Variants in CTBP2 observed in about 807,000 individuals in gnomAD.
The protein encoded by CTBP2 is C-terminal-binding protein 2.
In CTBP2, 30 loss-of-function variants were observed where a neutral mutation model predicts 80.3. The observed-to-expected ratio is 0.37, with a 90% CI of 0.28 to 0.51. CTBP2 has a LOEUF of 0.51. CTBP2 is among the 20% of genes least tolerant of loss of function. The probability of loss-of-function intolerance (pLI) is 0.93; values close to 1 mark genes in which losing one functional copy is unlikely to be tolerated. For missense variants in CTBP2, 1,212 were observed against 1,375.3 expected (o/e 0.88, Z 1.88); for synonymous variants, 594 against 587.4 (o/e 1.01, Z -0.16).
At chr10:125,071,160 C>T (rs1427976402) in intron 2 of CTBP2, among the ~76,000 whole-genome samples, 1 of 152,148 alleles carries the variant, frequency 6.6e-6, no homozygotes, top group Non-Finnish European at 1.5e-5. Flanking sequence ...GCCCCACTCA[C>T]CCATGCAACC....
chr10:125,024,584 C>T (rs1564733256), intron 1 of CTBP2, among the ~76,000 whole-genome samples: 1 of 152,224 alleles, frequency 6.6e-6, no homozygotes, highest in Non-Finnish European at 1.5e-5. Flanking sequence ...AACCTTTCCA[C>T]GACTTGGGTG....
chr10:125,051,329 GT>G (rs1962698089), intron 2 of CTBP2, among the ~76,000 whole-genome samples: 2 of 152,128 alleles, frequency 1.3e-5, no homozygotes, highest in African/African-American at 4.8e-5. Context: ...TGTCAATTAA[GT>G]CCCCAAAGCA....
chr10:124,989,093 G>C lies in CTBP2; in HGVS notation c.*425C>G, dbSNP rs1402345540. 1 of 222,918 alleles carries C rather than the reference G, an allele frequency of 4.5e-6. No homozygotes were observed. The highest frequency in any genetic ancestry group is 9.0e-6 in the Non-Finnish European group (1 of 111,180). 13.8% of individuals were successfully genotyped at this position (222,918 alleles called of 1,614,324 possible). On this transcript the variant is annotated 3_prime_UTR_variant, in exon 9 of 9. Coordinates refer to ENST00000309035, the MANE Select transcript of CTBP2 (RefSeq NM_022802.3). Reference sequence around the variant, plus strand: ...TCCTATTAGCAAAAAGAGGTCACCAGCCCCTGTAGACTTAAGGGACTCAAG... The same window carrying C: ...TCCTATTAGCAAAAAGAGGTCACCACCCCCTGTAGACTTAAGGGACTCAAG...
At chr10:125,093,185 C>T (rs1849043907) in intron 2 of CTBP2, among the ~76,000 whole-genome samples, 1 of 152,322 alleles carries the variant, frequency 6.6e-6, no homozygotes, top group Non-Finnish European at 1.5e-5. Flanking sequence ...CATCTTTAAC[C>T]TCTAATGCTG....
At chr10:125,044,446 A>AAC (rs2135085950) in intron 2 of CTBP2, among the ~76,000 whole-genome samples, 1 of 118,614 alleles carries the variant, frequency 8.4e-6, no homozygotes, top group African/African-American at 3.3e-5. Flanking sequence ...ATCCGGAGTT[A>AAC]ACAGCCACAT....
At chr10:124,992,630 C>T (rs1383861725) in intron 8 of CTBP2, 65 bp downstream of exon 10, 11 of 1,234,044 alleles carry the variant, frequency 8.9e-6, no homozygotes, top group African/African-American at 3.3e-5. Context: ...CAAGTTTGGG[C>T]TTCTCTCCCT....
intron 2 of CTBP2, among the ~76,000 whole-genome samples, chr10:125,055,107 T>C (rs1385611485): frequency 6.6e-6 from 1 of 152,222 alleles, no homozygotes; most frequent in Non-Finnish European, 1.5e-5. Context: ...TGCAGCCTCC[T>C]AGACCCCCCT....
At chr10:125,106,312 C>A (rs539726642) in intron 2 of CTBP2, among the ~76,000 whole-genome samples, 2 of 152,190 alleles carry the variant, frequency 1.3e-5, no homozygotes, top group South Asian at 4.1e-4. Flanking sequence ...TCAAAGCCCC[C>A]GGGAAGCCAT....
At position 125,027,381 on chromosome 10, in the gene CTBP2, A is replaced by G; in HGVS notation, c.379T>C (p.Tyr127His). ...GGCCGGCTGACTCCTGGGTCCCGAT[A>G]GAGGGGAGGCTCTTTGGGTACCCTA... is the stretch of plus-strand genomic sequence containing the variant. Residue 127 changes from tyrosine to histidine, a missense_variant, in exon 1 of 9, where the codon TAT becomes CAT. Physicochemically the swap from Tyr to His is moderately conservative, Grantham distance 83. This residue lies in a region of CTBP2 where 848 missense variants were observed against 782.3 expected (regional missense o/e 1.08). Transcript: ENST00000309035. 1 of 1,613,668 alleles carries G rather than the reference A, an allele frequency of 6.2e-7. No individual in the cohort carries two copies. The highest frequency in any genetic ancestry group is 8.5e-7 in the Non-Finnish European group (1 of 1,179,992).
In CTBP2 at chr10:124,985,059, C is replaced by T; in HGVS notation, c.*4459G>A. 1 of 1,287,150 alleles carries T rather than the reference C, an allele frequency of 7.8e-7. No individual in the cohort carries two copies. 79.7% of individuals were successfully genotyped at this position (1,287,150 alleles called of 1,614,324 possible). ...TAATGACCCTAAAGTTAGTGTGGTG[C>T]TCCAAGCAGAGTCGACATCATGGAA... On this transcript the variant is annotated 3_prime_UTR_variant, in exon 9 of 9. Transcript: ENST00000309035.
At chr10:125,018,599 T>A (rs1398122050) in intron 1 of CTBP2, among the ~76,000 whole-genome samples, 1 of 151,250 alleles carries the variant, frequency 6.6e-6, no homozygotes, top group Non-Finnish European at 1.5e-5. Flanking sequence ...TCCACAATAG[T>A]GACAATTACT....
intron 1 of CTBP2, among the ~76,000 whole-genome samples, chr10:125,136,304 G>A (rs542674805): frequency 1.3e-5 from 2 of 152,320 alleles, no homozygotes; most frequent in Admixed American, 1.3e-4. Context: ...TGACCTCAGG[G>A]TGCATGGGTG....
chr10:125,100,251 T>C (rs1008881902), intron 2 of CTBP2, among the ~76,000 whole-genome samples: 1 of 152,200 alleles, frequency 6.6e-6, no homozygotes, highest in African/African-American at 2.4e-5. Context: ...CAGACAACAG[T>C]GAAAAAAATG....
rs1457194517 is a variant in CTBP2, at chr10:125,027,540, C to T, written c.220G>A (p.Ala74Thr). 3 of 1,614,086 alleles carry T rather than the reference C, an allele frequency of 1.9e-6. No individual in the cohort carries two copies. The highest frequency in any genetic ancestry group is 2.5e-6 in the Non-Finnish European group (3 of 1,180,000). ...CTTGCAGCCACTGAGTTATAAACGG[C>T]CTCCCGGTACAGGTAGGGCTCGGCG... Residue 74 changes from alanine (A) to threonine (T), a missense_variant, in exon 1 of 9, where the codon GCC becomes ACC. Around this residue, in one of 3 missense-constraint regions of CTBP2, gnomAD observed 848 missense variants for 782.3 expected, o/e 1.08. Transcript: ENST00000309035.
At chr10:125,087,815 C>A (rs527482766) in intron 2 of CTBP2, among the ~76,000 whole-genome samples, 1 of 152,364 alleles carries the variant, frequency 6.6e-6, no homozygotes, top group South Asian at 2.1e-4. Flanking sequence ...CACTGGTGGA[C>A]AGCTTATGTG....
At chr10:124,995,514 C>G (rs1425791882) in intron 4 of CTBP2, among the ~76,000 whole-genome samples, 1 of 152,208 alleles carries the variant, frequency 6.6e-6, no homozygotes, top group Non-Finnish European at 1.5e-5. Flanking sequence ...GCCATGGCTC[C>G]AAGGTGCAGG....
chr10:125,078,291 A>AAAC (rs1452392411), intron 2 of CTBP2, among the ~76,000 whole-genome samples: 4 of 137,714 alleles, frequency 2.9e-5, no homozygotes, highest in African/African-American at 1.1e-4. Context: ...AAAAAAAAAA[A>AAAC]AAAAAAAAAC....
At chr10:125,135,079 G>A (rs1428952180) in intron 1 of CTBP2, among the ~76,000 whole-genome samples, 1 of 152,108 alleles carries the variant, frequency 6.6e-6, no homozygotes, top group Non-Finnish European at 1.5e-5. Context: ...CACTCGCTGC[G>A]CTGGGCTAGA....
At chr10:125,004,293 A>ACGCG (rs1414530066) in intron 1 of CTBP2, among the ~76,000 whole-genome samples, 1 of 152,150 alleles carries the variant, frequency 6.6e-6, no homozygotes, top group Non-Finnish European at 1.5e-5. Context: ...CACACTACAG[A>ACGCG]CGCGCATGCT....
Sources: gnomAD v4.1 joint callset for allele counts (sites outside exome capture counted in the v4.1 genomes callset) on GRCh38, gnomAD v4.1.1 for gene constraint, gnomAD v4.1.1 regional missense constraint, MANE v1.5 for transcripts, NCBI Gene and HGNC (gene_info 2026-07-23, HGNC 2026-07-21) for gene names.